The following STAM variants were observed in gnomAD, a reference collection of about 807,000 sequenced individuals.
The protein encoded by STAM is signal transducing adapter molecule 1.
Under a neutral mutation model 63.4 loss-of-function variants are expected in STAM, and 16 were observed. That is an observed-to-expected ratio of 0.25 (90% CI 0.17 to 0.38). The LOEUF (loss-of-function observed/expected upper bound fraction) is 0.38. Ranked by LOEUF, STAM falls within the 10% of genes least tolerant of loss-of-function variation. The pLI is 1.00. For missense variants in STAM, 636 were observed against 657.1 expected (o/e 0.97, Z 0.35); for synonymous variants, 238 against 223.9 (o/e 1.06, Z -0.56).
rs77400741 is a variant in STAM at position 17,684,538 on chromosome 10, G to A, written c.126-137G>A. The stretch of plus-strand genomic sequence containing the variant: ...GGAACTAGTTTACAGTTTTTCAACC[G>A]TGTTATTAATAAAAATTAAATTTCC... On this transcript the variant is annotated intron_variant, in intron 2 of 13. Coordinates refer to ENST00000377524, the MANE Select transcript of STAM (RefSeq NM_003473.4). 7.2e-3 allele frequency: 4,076 copies of A among 569,788 alleles called. 161 individuals carry two copies. In the East Asian group the frequency reaches 0.1, roughly 14 times the overall value. The allele number at this position is 569,788 out of a possible 1,614,324, so 35.3% of individuals were successfully genotyped here. A position where few individuals can be genotyped will look rare whatever the true frequency, so the allele number is the denominator to read the frequency against.
intron 1 of STAM, among the ~76,000 whole-genome samples, chr10:17,660,036 CT>C (rs1268542820): frequency 2.7e-5 from 4 of 150,270 alleles, no homozygotes; most frequent in African/African-American, 9.8e-5. Context: ...CTTCAGTCCC[CT>C]CTCCATATTA....
chr10:17,657,069 G>A (rs1023175949), intron 1 of STAM, among the ~76,000 whole-genome samples: 2 of 152,040 alleles, frequency 1.3e-5, no homozygotes, highest in Non-Finnish European at 2.9e-5. Flanking sequence ...CCCTTTTCTG[G>A]TGGAGTGCCC....
intron 13 of STAM, among the ~76,000 whole-genome samples, chr10:17,710,428 A>C (rs1411438547): frequency 6.6e-6 from 1 of 151,444 alleles, no homozygotes; most frequent in African/African-American, 2.4e-5. Flanking sequence ...TATTAATGTC[A>C]CCTCTCAAGG....
At chr10:17,672,444 C>G (rs1298347761) in intron 2 of STAM, among the ~76,000 whole-genome samples, 1 of 152,158 alleles carries the variant, frequency 6.6e-6, no homozygotes, top group African/African-American at 2.4e-5. Context: ...GTATTCTTTT[C>G]CAGCCTCCTC....
At chr10:17,706,196 C>T (rs1329197584) in intron 12 of STAM, among the ~76,000 whole-genome samples, 2 of 151,932 alleles carry the variant, frequency 1.3e-5, no homozygotes, top group Non-Finnish European at 2.9e-5. Flanking sequence ...TTGGCAGTTA[C>T]AGCATATAAT....
chr10:17,685,454 G>T (rs576347837), intron 4 of STAM, among the ~76,000 whole-genome samples: 25 of 152,262 alleles, frequency 1.6e-4, no homozygotes, highest in African/African-American at 4.3e-4. Flanking sequence ...AACTGTTCCA[G>T]ATAGGGCCAG....
intron 1 of STAM, among the ~76,000 whole-genome samples, chr10:17,654,552 A>G (rs1177215789): frequency 6.6e-6 from 1 of 152,138 alleles, no homozygotes; most frequent in African/African-American, 2.4e-5. Flanking sequence ...TCAATGTGTT[A>G]CTATGACTTT....
At chr10:17,673,985 A>C (rs541197427) in intron 2 of STAM, among the ~76,000 whole-genome samples, 1 of 152,122 alleles carries the variant, frequency 6.6e-6, no homozygotes, top group African/African-American at 2.4e-5. Flanking sequence ...GTAAGCGTTG[A>C]CTAAGAACAG....
Position 17,708,806 on chromosome 10 carries a change from T to C in STAM, c.1240T>C (p.Tyr414His). 1 of 1,614,062 alleles carries C rather than the reference T, an allele frequency of 6.2e-7. No individual in the cohort carries two copies. The highest frequency in any genetic ancestry group is 8.5e-7 in the Non-Finnish European group (1 of 1,179,934). The change falls in exon 13 of 14, where the codon TAC becomes CAC. Residue 414 changes from tyrosine (Y) to histidine (H), a missense_variant. Tyr to His is a moderately conservative substitution (Grantham distance 83). Coordinates refer to ENST00000377524, the MANE Select transcript of STAM (RefSeq NM_003473.4). ...TGCAGGGCCTCCTCCAAGTGGTGCC[T>C]ACCTGGTTGCAGGGAACGCGCAGAT... ...VYAGPPPSGAYLVAGNAQMSH... is the reference protein window; with the variant it reads ...VYAGPPPSGAHLVAGNAQMSH...
At chr10:17,671,313 A>C (rs1285043613) in intron 2 of STAM, among the ~76,000 whole-genome samples, 1 of 152,248 alleles carries the variant, frequency 6.6e-6, no homozygotes, top group Non-Finnish European at 1.5e-5. Flanking sequence ...TGAAAGCTAC[A>C]GTTGTAAAAG....
chr10:17,695,059 G>T lies in STAM; in HGVS notation c.546G>T (p.Leu182Phe). ...EEEDLAKAIE[L>F]SLKEQRQQST... ...CTCATTGTTTTCTAGCCATTGAGTT[G>T]TCTCTCAAGGAACAAAGGCAGCAGT... The change falls in exon 7 of 14, where the codon TTG becomes TTT. Residue 182 changes from leucine (L) to phenylalanine (F), a missense_variant. By Grantham distance (22) the Leu-to-Phe change is conservative. Around this residue, in one of 3 missense-constraint regions of STAM, gnomAD observed 532 missense variants for 536.9 expected, o/e 0.99. Transcript: ENST00000377524. 1 of 1,613,460 alleles carries T rather than the reference G, an allele frequency of 6.2e-7. No homozygotes were observed. Among genetic ancestry groups the T allele is most frequent in the Non-Finnish European group, 8.5e-7 (1 of 1,179,708 alleles).
intron 1 of STAM, among the ~76,000 whole-genome samples, chr10:17,658,634 CTGAG>C (rs1398593545): frequency 1.3e-5 from 2 of 152,040 alleles, no homozygotes; most frequent in Non-Finnish European, 2.9e-5. Context: ...TCTCAGCCTC[CTGAG>C]TATGTTCAGC....
In STAM at chr10:17,695,167, A is replaced by G. The variant is rs201231613; in HGVS notation, c.654A>G (p.Ile218Met). 1 of 1,614,112 alleles carries G rather than the reference A, an allele frequency of 6.2e-7. No homozygotes were observed. The highest frequency in any genetic ancestry group is 2.2e-5 in the East Asian group (1 of 44,850). Residue 218 changes from isoleucine to methionine, a missense_variant, in exon 7 of 14, where the codon ATA becomes ATG. Around this residue, in one of 3 missense-constraint regions of STAM, gnomAD observed 532 missense variants for 536.9 expected, o/e 0.99. Coordinates refer to ENST00000377524, the MANE Select transcript of STAM (RefSeq NM_003473.4). ...HQHEGRKVRA[I>M]YDFEAAEDNE... ...ATGAAGGCCGAAAAGTTCGTGCTAT[A>G]TATGACTTTGAAGCTGCTGAAGACA...
At chr10:17,657,713 C>T (rs948681509) in intron 1 of STAM, among the ~76,000 whole-genome samples, 2 of 152,092 alleles carry the variant, frequency 1.3e-5, no homozygotes, top group Admixed American at 1.3e-4. Context: ...AGGCATTGGT[C>T]CATTTCATCT....
At chr10:17,705,374 G>A (rs984206366) in intron 11 of STAM, among the ~76,000 whole-genome samples, 6 of 152,176 alleles carry the variant, frequency 3.9e-5, no homozygotes, top group Admixed American at 3.3e-4. Context: ...AGTCAGGTAC[G>A]ATAAGACGGA....
At chr10:17,679,434 G>A (rs1834991458) in intron 2 of STAM, among the ~76,000 whole-genome samples, 1 of 152,120 alleles carries the variant, frequency 6.6e-6, no homozygotes, top group Admixed American at 6.6e-5. Flanking sequence ...TGAGATGTAG[G>A]AGTTCTTTAT....
chr10:17,644,475 A>G (rs1833441862), intron 1 of STAM, 96 bp downstream of exon 1: 2 of 1,471,826 alleles, frequency 1.4e-6, no homozygotes, highest in South Asian at 1.2e-5. Context: ...GCCAGGGCCA[A>G]GGAAGAGCTC....
chr10:17,677,849 A>T (rs114532466), intron 2 of STAM, among the ~76,000 whole-genome samples: 1 of 152,156 alleles, frequency 6.6e-6, no homozygotes, highest in Non-Finnish European at 1.5e-5. Flanking sequence ...ATTTTTCTAT[A>T]TAATTATTAA....
intron 1 of STAM, among the ~76,000 whole-genome samples, chr10:17,645,588 A>G (rs1455601928): frequency 2.0e-5 from 3 of 152,182 alleles, no homozygotes; most frequent in Admixed American, 2.0e-4. Flanking sequence ...GGCCTGCTAC[A>G]GTACCTTTAT....
Sources: allele counts gnomAD v4.1 joint callset (sites outside exome capture counted in the v4.1 genomes callset), GRCh38; gene constraint gnomAD v4.1.1; regional missense constraint gnomAD v4.1.1; transcripts MANE v1.5; gene names NCBI Gene and HGNC (gene_info 2026-07-23, HGNC 2026-07-21).